Variants in ABCC1 observed in about 807,000 individuals in gnomAD.
The protein encoded by ABCC1 is multidrug resistance-associated protein 1.
Under a neutral mutation model 172.9 loss-of-function variants are expected in ABCC1, and 83 were observed. That is an observed-to-expected ratio of 0.48 (90% CI 0.40 to 0.58). ABCC1 has a LOEUF of 0.58. Among genes scored for constraint, ABCC1 ranks in the 20% least tolerant of loss-of-function variants. The pLI is 0.00. For synonymous variants in ABCC1, 937 were observed against 825.2 expected (o/e 1.14, Z -2.32); for missense variants, 1,817 against 2,002.7 (o/e 0.91, Z 1.77).
chr16:16,006,409 C>T (rs928225379), intron 1 of ABCC1, among the ~76,000 whole-genome samples: 13 of 144,222 alleles, frequency 9.0e-5, no homozygotes, highest in African/African-American at 3.3e-4. Flanking sequence ...CAGAGCAAGA[C>T]CTCATTTCAA....
chr16:16,117,678 C>T (rs982130487), intron 23 of ABCC1, among the ~76,000 whole-genome samples: 9 of 152,146 alleles, frequency 5.9e-5, no homozygotes, highest in African/African-American at 1.9e-4. Context: ...GGCCGAGGCG[C>T]GTGTATCACC....
chr16:16,086,033 C>T (rs1045913905), intron 17 of ABCC1, among the ~76,000 whole-genome samples: 5 of 152,164 alleles, frequency 3.3e-5, no homozygotes, highest in Non-Finnish European at 5.9e-5. Flanking sequence ...TGTGGCTTTG[C>T]CAGACAGTGA....
intron 17 of ABCC1, among the ~76,000 whole-genome samples, chr16:16,084,899 A>T (rs1450822764): frequency 1.3e-5 from 2 of 152,102 alleles, no homozygotes; most frequent in African/African-American, 2.4e-5. Flanking sequence ...GGGATTACAG[A>T]TGTTAACCAC....
At position 15,987,830 on chromosome 16, in the gene ABCC1, C is replaced by T. The variant is rs541181307; in HGVS notation, c.49-19986C>T. ...TTCTTCAGACCTGTTGGCCTCTCTGCGGTTTCTCAGAAATGCCAGGCCTGG... is the reference window on the plus strand; with the variant it reads ...TTCTTCAGACCTGTTGGCCTCTCTGTGGTTTCTCAGAAATGCCAGGCCTGG... On this transcript the variant is annotated intron_variant, in intron 1 of 30. Transcript: ENST00000399410. Among the ~76,000 whole-genome samples, 13 of 152,338 alleles carry T rather than the reference C, an allele frequency of 8.5e-5. No individual in the cohort carries two copies. The South Asian group carries it at 2.3e-3, about 27-fold the overall frequency.
chr16:16,102,885 A>C (rs1383225330), intron 20 of ABCC1, among the ~76,000 whole-genome samples, 168 bp downstream of exon 20: 1 of 152,142 alleles, frequency 6.6e-6, no homozygotes, highest in Non-Finnish European at 1.5e-5. Flanking sequence ...CAGAGGCCCA[A>C]AGAAGGAATG....
rs1367441563 is a variant in ABCC1 at position 15,949,717 on chromosome 16, G to A, written c.-35G>A. ...CGCCAGCAACCGGGCCCGATCACCC[G>A]CCGCCCGGTGCCCGCCGCCGCCCGC... On this transcript the variant is annotated 5_prime_UTR_variant, in exon 1 of 31. Transcript: ENST00000399410. 1 of 1,118,892 alleles carries A rather than the reference G, an allele frequency of 8.9e-7. No homozygotes were observed. The highest frequency in any genetic ancestry group is 1.1e-6 in the Non-Finnish European group (1 of 915,104). The allele number at this position is 1,118,892 out of a possible 1,614,324, so 69.3% of individuals were successfully genotyped here.
rs551450318 is a variant in ABCC1, at chr16:16,070,095, T to G, written c.1825-1547T>G. 3.9e-5 allele frequency among the ~76,000 whole-genome samples: 6 copies of G among 152,112 alleles called. No individual in the cohort carries two copies. The East Asian group carries it at 1.2e-3, about 30-fold the overall frequency. ...CATCACTCAGATTCAACATCGGCATTTTTTGGCTGGGCGCAGTGGCTCACG... is the reference window on the plus strand; with the variant it reads ...CATCACTCAGATTCAACATCGGCATGTTTTGGCTGGGCGCAGTGGCTCACG... On this transcript the variant is annotated intron_variant, in intron 13 of 30. Coordinates refer to ENST00000399410, the MANE Select transcript of ABCC1 (RefSeq NM_004996.4).
chr16:16,043,969 A>T (rs925974224), intron 7 of ABCC1, among the ~76,000 whole-genome samples: 48 of 152,266 alleles, frequency 3.2e-4, no homozygotes, highest in African/African-American at 1.1e-3. Flanking sequence ...CTTATTTTTC[A>T]TGATTGTTTT....
At chr16:16,123,432 C>G (rs1215050384) in intron 24 of ABCC1, among the ~76,000 whole-genome samples, 3 of 151,954 alleles carry the variant, frequency 2.0e-5, no homozygotes, top group Non-Finnish European at 4.4e-5. Flanking sequence ...GTCAGGAGTT[C>G]AAGACCAGCC....
chr16:15,965,187 C>T (rs149061361), intron 1 of ABCC1, among the ~76,000 whole-genome samples: 4 of 152,198 alleles, frequency 2.6e-5, no homozygotes, highest in African/African-American at 7.2e-5. Flanking sequence ...TTTAATTAAA[C>T]CTATAAATGT....
intron 19 of ABCC1, among the ~76,000 whole-genome samples, chr16:16,092,513 C>T (rs1256060040): frequency 6.6e-6 from 1 of 152,196 alleles, no homozygotes; most frequent in Non-Finnish European, 1.5e-5. Context: ...GGCTTTTACA[C>T]TTAGCGTGGT....
At chr16:16,026,865 C>T (rs1302372637) in intron 5 of ABCC1, among the ~76,000 whole-genome samples, 3 of 151,378 alleles carry the variant, frequency 2.0e-5, no homozygotes, top group Non-Finnish European at 4.4e-5. Context: ...TGCAGTGAGC[C>T]GAGATCGGGC....
At chr16:16,133,562 C>T (rs1285624809) in intron 27 of ABCC1, among the ~76,000 whole-genome samples, 1 of 152,020 alleles carries the variant, frequency 6.6e-6, no homozygotes, top group Non-Finnish European at 1.5e-5. Flanking sequence ...TGCCACCACG[C>T]CCAGCTAATT....
chr16:16,055,594 C>T (rs534790960), intron 11 of ABCC1, among the ~76,000 whole-genome samples: 2 of 152,032 alleles, frequency 1.3e-5, no homozygotes, highest in Non-Finnish European at 2.9e-5. Flanking sequence ...AAAAACACCA[C>T]CACCATGTCT....
intron 10 of ABCC1, 66 bp from the exon 11 acceptor site, chr16:16,052,658 G>T (rs2049478051): frequency 8.6e-6 from 13 of 1,512,470 alleles, no homozygotes; most frequent in Non-Finnish European, 1.0e-5. Context: ...ATCAACCGGG[G>T]AAGCTGTTAC....
intron 21 of ABCC1, among the ~76,000 whole-genome samples, chr16:16,109,588 G>A (rs1251173356): frequency 6.6e-6 from 1 of 152,194 alleles, no homozygotes. Flanking sequence ...TGGTTTAGGT[G>A]GGGGCTGGCC....
intron 1 of ABCC1, among the ~76,000 whole-genome samples, chr16:16,002,867 T>G (rs1443212710): frequency 6.6e-6 from 1 of 150,666 alleles, no homozygotes; most frequent in Non-Finnish European, 1.5e-5. Flanking sequence ...GGCAACAAAA[T>G]AGGTCGTATT....
chr16:16,097,482 T>G (rs1465520287), intron 19 of ABCC1, among the ~76,000 whole-genome samples: 1 of 152,166 alleles, frequency 6.6e-6, no homozygotes, highest in African/African-American at 2.4e-5. Context: ...TAGTAGACAC[T>G]CAGTAAATGT....
chr16:16,073,817 C>T (rs905650998), intron 14 of ABCC1, among the ~76,000 whole-genome samples: 18 of 152,198 alleles, frequency 1.2e-4, no homozygotes, highest in African/African-American at 3.9e-4. Flanking sequence ...TACCCAGGTA[C>T]GAAGTGGTAG....
Sources: gnomAD v4.1 joint callset for allele counts (sites outside exome capture counted in the v4.1 genomes callset) on GRCh38, gnomAD v4.1.1 for gene constraint, MANE v1.5 for transcripts, NCBI Gene and HGNC (gene_info 2026-07-23, HGNC 2026-07-21) for gene names.